The following MYL1 variants were observed in gnomAD, a reference collection of about 807,000 sequenced individuals.
The protein encoded by MYL1 is myosin light chain 1/3, skeletal muscle isoform.
In MYL1, 16 loss-of-function variants were observed where a neutral mutation model predicts 21.8. The observed-to-expected ratio is 0.74, with a 90% CI of 0.50 to 1.12. The LOEUF (loss-of-function observed/expected upper bound fraction) is 1.12, where lower values mean the gene tolerates loss of function less well. Among genes scored for constraint, MYL1 ranks in the 50% most tolerant of loss-of-function variants. The probability of loss-of-function intolerance (pLI) is 0.00; values close to 1 mark genes in which losing one functional copy is unlikely to be tolerated. For synonymous variants in MYL1, 99 were observed against 85.2 expected (o/e 1.16, Z -0.89); for missense variants, 246 against 241.0 (o/e 1.02, Z -0.14).
intron 2 of MYL1, 147 bp downstream of exon 2, chr2:210,302,341 T>A: frequency 3.2e-6 from 2 of 631,854 alleles, no homozygotes; most frequent in Non-Finnish European, 2.6e-6. Context: ...TAATTTATAT[T>A]TAGAGTGATC....
intron 1 of MYL1, among the ~76,000 whole-genome samples, chr2:210,307,914 C>T (rs1445764293): frequency 6.6e-6 from 1 of 152,032 alleles, no homozygotes; most frequent in African/African-American, 2.4e-5. Flanking sequence ...AATATTAAAA[C>T]GCTGTTAATC....
At chr2:210,300,239 A>G (rs1225906693) in intron 2 of MYL1, among the ~76,000 whole-genome samples, 1 of 152,170 alleles carries the variant, frequency 6.6e-6, no homozygotes, top group Non-Finnish European at 1.5e-5. Flanking sequence ...CTGTAATAGA[A>G]TCACTGTGAC....
intron 1 of MYL1, among the ~76,000 whole-genome samples, chr2:210,308,660 A>G (rs984705655): frequency 2.0e-5 from 3 of 151,776 alleles, no homozygotes; most frequent in Non-Finnish European, 1.5e-5. Flanking sequence ...AAAACAATTC[A>G]GACCTACAGG....
intron 3 of MYL1, among the ~76,000 whole-genome samples, chr2:210,295,115 C>A (rs544360934): frequency 1.5e-4 from 23 of 152,050 alleles, no homozygotes; most frequent in Admixed American, 5.2e-4. Flanking sequence ...AAAATCTGGA[C>A]AGTCTATTTT....
intron 1 of MYL1, chr2:210,302,848 T>C (rs1690285694): frequency 6.5e-7 from 1 of 1,537,828 alleles, no homozygotes. Context: ...TTCAAATGCA[T>C]TGACAGAAGA....
At chr2:210,293,409 T>A (rs1438859218) in intron 5 of MYL1, among the ~76,000 whole-genome samples, 1 of 152,208 alleles carries the variant, frequency 6.6e-6, no homozygotes, top group Non-Finnish European at 1.5e-5. Context: ...CTTTGAGATT[T>A]CTTCAAGTTT....
In MYL1 at chr2:210,294,239, C is replaced by A; in HGVS notation, c.478+6G>T. ...TCACTAAGTCCACTGAAATAAATTC[C>A]CTTACCCAGGGTGGCTAGAACATGG... On this transcript the variant is annotated splice_donor_region_variant and intron_variant, in intron 4 of 6. Transcript: ENST00000352451. 1 of 1,604,546 alleles carries A rather than the reference C, an allele frequency of 6.2e-7. No individual in the cohort carries two copies.
intron 1 of MYL1, among the ~76,000 whole-genome samples, chr2:210,309,007 T>C (rs1044639485): frequency 2.0e-5 from 3 of 152,094 alleles, no homozygotes; most frequent in African/African-American, 7.2e-5. Flanking sequence ...TTCAAGAACT[T>C]GTGGAAAGAG....
At chr2:210,291,184 A>C in intron 5 of MYL1, 110 bp from the exon 6 acceptor site, 1 of 846,726 alleles carries the variant, frequency 1.2e-6, no homozygotes, top group Non-Finnish European at 1.9e-6. Context: ...CTGTAACAAT[A>C]GTTTCTTTTC....
intron 2 of MYL1, 97 bp downstream of exon 2, chr2:210,302,391 T>C: frequency 8.9e-7 from 1 of 1,119,926 alleles, no homozygotes; most frequent in South Asian, 1.7e-5. Flanking sequence ...CCAGTGGGGA[T>C]AATTAGGAAG....
intron 1 of MYL1, among the ~76,000 whole-genome samples, chr2:210,308,210 G>A (rs1690366590): frequency 6.6e-6 from 1 of 151,350 alleles, no homozygotes; most frequent in Admixed American, 6.6e-5. Context: ...CCAAAGACCT[G>A]GATGTATATA....
At chr2:210,300,031 C>A (rs1320028600) in intron 2 of MYL1, among the ~76,000 whole-genome samples, 1 of 144,566 alleles carries the variant, frequency 6.9e-6, no homozygotes, top group African/African-American at 2.5e-5. Flanking sequence ...TGCAATTTGA[C>A]TACAGATCAA....
At chr2:210,291,865 A>G (rs1690080665) in intron 5 of MYL1, among the ~76,000 whole-genome samples, 1 of 152,170 alleles carries the variant, frequency 6.6e-6, no homozygotes. Context: ...GAGTGAAAGT[A>G]TATCTAGAGA....
At chr2:210,296,540 C>A (rs544303552) in intron 3 of MYL1, among the ~76,000 whole-genome samples, 1 of 152,204 alleles carries the variant, frequency 6.6e-6, no homozygotes, top group African/African-American at 2.4e-5. Context: ...AAACCCAGCA[C>A]TTTGGGAGGC....
intron 1 of MYL1, among the ~76,000 whole-genome samples, chr2:210,312,558 C>G (rs1383447948): frequency 6.6e-6 from 1 of 151,900 alleles, no homozygotes; most frequent in African/African-American, 2.4e-5. Flanking sequence ...AGTTGTATCA[C>G]TTTCTTTGGC....
chr2:210,310,623 C>A (rs997740120), intron 1 of MYL1, among the ~76,000 whole-genome samples: 1 of 152,028 alleles, frequency 6.6e-6, no homozygotes, highest in Non-Finnish European at 1.5e-5. Context: ...TTTCTAGATT[C>A]CTGATATTTC....
intron 1 of MYL1, among the ~76,000 whole-genome samples, chr2:210,304,131 T>C (rs1402826712): frequency 6.6e-6 from 1 of 152,204 alleles, no homozygotes; most frequent in Non-Finnish European, 1.5e-5. Context: ...GCATGTTTCT[T>C]AGAGCGCACC....
chr2:210,301,799 GTC>G (rs1167317870), intron 2 of MYL1, among the ~76,000 whole-genome samples: 3 of 152,096 alleles, frequency 2.0e-5, no homozygotes, highest in Non-Finnish European at 4.4e-5. Context: ...AGAGTTTGGA[GTC>G]TCCTAGCTAG....
At chr2:210,293,133 T>A (rs1410565328) in intron 5 of MYL1, among the ~76,000 whole-genome samples, 2 of 152,234 alleles carry the variant, frequency 1.3e-5, no homozygotes, top group East Asian at 3.8e-4. Flanking sequence ...AATTAAAAAA[T>A]TTTTAAATTT....
Sources: gnomAD v4.1 joint callset for allele counts (sites outside exome capture counted in the v4.1 genomes callset) on GRCh38, gnomAD v4.1.1 for gene constraint, MANE v1.5 for transcripts, NCBI Gene and HGNC (gene_info 2026-07-23, HGNC 2026-07-21) for gene names.